Variants in AP4E1 observed in about 807,000 individuals in gnomAD.
AP4E1 encodes the protein AP-4 complex subunit epsilon-1.
In AP4E1, 56 loss-of-function variants were observed where a neutral mutation model predicts 128.2. That is an observed-to-expected ratio of 0.44 (90% confidence interval 0.35 to 0.55). The LOEUF is 0.55. Among genes scored for constraint, AP4E1 ranks in the 20% least tolerant of loss-of-function variants. AP4E1 has a pLI of 0.00. For synonymous variants in AP4E1, 484 were observed against 473.1 expected (o/e 1.02, Z -0.30); for missense variants, 1,324 against 1,307.7 (o/e 1.01, Z -0.19).
At chr15:50,924,278 C>G (rs755993590) in intron 4 of AP4E1, among the ~76,000 whole-genome samples, 2 of 152,070 alleles carry the variant, frequency 1.3e-5, no homozygotes, top group Non-Finnish European at 2.9e-5. Context: ...AACTAAAGTT[C>G]AAGTCTCTAA....
intron 15 of AP4E1, among the ~76,000 whole-genome samples, chr15:50,969,815 C>T (rs1038575566): frequency 1.2e-4 from 18 of 151,872 alleles, no homozygotes; most frequent in Admixed American, 7.9e-4. Context: ...CCGGCCACCA[C>T]GCCCAGCTAA....
At chr15:50,949,187 G>T (rs945767987) in intron 11 of AP4E1, among the ~76,000 whole-genome samples, 14 of 151,684 alleles carry the variant, frequency 9.2e-5, no homozygotes, top group Non-Finnish European at 1.6e-4. Context: ...GAGGTGGGAG[G>T]ATTGCCTGAG....
chr15:50,966,568 C>T (rs896369171), intron 14 of AP4E1, among the ~76,000 whole-genome samples: 6 of 125,340 alleles, frequency 4.8e-5, no homozygotes, highest in Non-Finnish European at 9.7e-5. Flanking sequence ...TGAAGTTTCA[C>T]TCTTGTCACC....
At chr15:50,983,385 A>G (rs1408875730) in intron 15 of AP4E1, among the ~76,000 whole-genome samples, 2 of 152,234 alleles carry the variant, frequency 1.3e-5, no homozygotes, top group African/African-American at 2.4e-5. Flanking sequence ...GACCTCAGTC[A>G]TATGACAAAG....
intron 8 of AP4E1, among the ~76,000 whole-genome samples, chr15:50,935,447 A>G (rs1208752839): frequency 6.6e-6 from 1 of 151,660 alleles, no homozygotes; most frequent in African/African-American, 2.4e-5. Flanking sequence ...AAAACTGAGA[A>G]AGTAGCCAAA....
chr15:50,981,366 T>C (rs757019809), intron 15 of AP4E1, among the ~76,000 whole-genome samples: 41 of 152,222 alleles, frequency 2.7e-4, no homozygotes, highest in Non-Finnish European at 4.4e-4. Flanking sequence ...TTGAGACCAC[T>C]TACCCCTTTC....
At chr15:50,913,835 A>G (rs141317607) in intron 2 of AP4E1, among the ~76,000 whole-genome samples, 1 of 151,872 alleles carries the variant, frequency 6.6e-6, no homozygotes, top group Admixed American at 6.6e-5. Flanking sequence ...GGGTGGGAGG[A>G]TGGAGTCTTG....
chr15:50,916,887 C>T (rs1248540872), intron 3 of AP4E1, among the ~76,000 whole-genome samples: 1 of 152,114 alleles, frequency 6.6e-6, no homozygotes, highest in Non-Finnish European at 1.5e-5. Context: ...ATTTTAAGAT[C>T]CCTAAAGGCA....
At chr15:50,940,338 T>G (rs2063967521) in intron 8 of AP4E1, among the ~76,000 whole-genome samples, 1 of 152,094 alleles carries the variant, frequency 6.6e-6, no homozygotes, top group Non-Finnish European at 1.5e-5. Flanking sequence ...TAGAAGAGGT[T>G]TAAAATTTTT....
In AP4E1 at chr15:50,962,017, A is replaced by ACAATACAATAC. The variant is rs1555458827; in HGVS notation, c.1851+3223_1851+3224insCAATACAATAC. On this transcript the variant is annotated intron_variant, in intron 14 of 20. Coordinates refer to ENST00000261842, the MANE Select transcript of AP4E1 (RefSeq NM_007347.5). Reference sequence around the variant, plus strand: ...TACAACAGCTACAAAATAAATAAATAAATACAATACAATACAATACAATAC... The same window carrying ACAATACAATAC: ...TACAACAGCTACAAAATAAATAAATACAATACAATACAATACAATACAATACAATACAATAC... Among the ~76,000 whole-genome samples, 9 of 150,970 alleles carry ACAATACAATAC rather than the reference A, an allele frequency of 6.0e-5. No homozygotes were observed. In the South Asian group the frequency reaches 6.2e-4, roughly 10 times the overall value.
At chr15:50,945,388 A>G (rs1401288204) in intron 10 of AP4E1, 3 of 778,804 alleles carry the variant, frequency 3.9e-6, no homozygotes, top group Non-Finnish European at 7.2e-6. Context: ...GAGAACAAAT[A>G]CAGTTTGTTG....
intron 1 of AP4E1, 133 bp downstream of exon 1, chr15:50,909,061 G>C: frequency 3.6e-6 from 5 of 1,406,886 alleles, no homozygotes; most frequent in Non-Finnish European, 3.8e-6. Flanking sequence ...TGCTGTGTCG[G>C]TTCGTCCTTT....
intron 3 of AP4E1, among the ~76,000 whole-genome samples, chr15:50,921,598 G>C (rs1221318646): frequency 1.3e-5 from 2 of 152,146 alleles, no homozygotes; most frequent in East Asian, 3.9e-4. Flanking sequence ...TGATCCGCCT[G>C]CCTCAGCCTC....
At chr15:50,927,517 T>TTG (rs1160457989) in intron 5 of AP4E1, among the ~76,000 whole-genome samples, 3 of 23,572 alleles carry the variant, frequency 1.3e-4, no homozygotes, top group African/African-American at 5.0e-4. Context: ...CTATTCAGAG[T>TTG]TTTTTTTTTT....
At chr15:50,920,272 C>A (rs1341932110) in intron 3 of AP4E1, among the ~76,000 whole-genome samples, 1 of 151,814 alleles carries the variant, frequency 6.6e-6, no homozygotes, top group Non-Finnish European at 1.5e-5. Context: ...TGCCACCGTG[C>A]CTAGCTAATT....
intron 2 of AP4E1, among the ~76,000 whole-genome samples, chr15:50,913,278 G>A (rs574608091): frequency 8.7e-4 from 133 of 152,274 alleles, no homozygotes; most frequent in African/African-American, 3.0e-3. Flanking sequence ...GTGTGTCTGT[G>A]GCTATGGATA....
chr15:50,947,677 A>G, intron 10 of AP4E1, among the ~76,000 whole-genome samples: 1 of 152,202 alleles, frequency 6.6e-6, no homozygotes, highest in African/African-American at 2.4e-5. Context: ...CCATAGCTGT[A>G]GGTAATGTAT....
At chr15:50,927,580 C>G (rs760412229) in intron 5 of AP4E1, among the ~76,000 whole-genome samples, 1 of 149,764 alleles carries the variant, frequency 6.7e-6, no homozygotes, top group Admixed American at 6.7e-5. Context: ...TCAGTTAACA[C>G]GCAATGGCAA....
At chr15:50,941,615 T>G (rs2291107) in intron 9 of AP4E1, 51 bp downstream of exon 9, 1 of 1,611,770 alleles carries the variant, frequency 6.2e-7, no homozygotes, top group Non-Finnish European at 8.5e-7. Context: ...CTTTTGAAAT[T>G]TGCTGTGTAT....
Sources: allele counts gnomAD v4.1 joint callset (sites outside exome capture counted in the v4.1 genomes callset), GRCh38; gene constraint gnomAD v4.1.1; transcripts MANE v1.5; gene names NCBI Gene and HGNC (gene_info 2026-07-23, HGNC 2026-07-21).